CEP170: variants seen among roughly 807,000 people sequenced by gnomAD.
CEP170 encodes the protein centrosomal protein of 170 kDa.
A neutral mutation model predicts 151.9 loss-of-function variants in CEP170; 21 were observed. The ratio of observed to expected loss-of-function variants is 0.14; its 90% confidence interval spans 0.10 to 0.20. The LOEUF is 0.20. Among genes scored for constraint, CEP170 ranks in the 10% least tolerant of loss-of-function variants. The pLI is 1.00. For synonymous variants in CEP170, 356 were observed against 648.8 expected (o/e 0.55, Z 6.86); for missense variants, 964 against 1,892.9 (o/e 0.51, Z 9.11).
intron 1 of CEP170, among the ~76,000 whole-genome samples, chr1:243,231,058 T>G (rs750911686): frequency 8.8e-4 from 132 of 150,698 alleles, no homozygotes; most frequent in Non-Finnish European, 1.7e-3. Flanking sequence ...TCAGAAACTA[T>G]GGAGACTAGA....
intron 1 of CEP170, among the ~76,000 whole-genome samples, chr1:243,231,389 T>C (rs944327779): frequency 2.6e-5 from 4 of 152,058 alleles, no homozygotes; most frequent in Non-Finnish European, 5.9e-5. Context: ...AAACCACTGA[T>C]AAAGGTATCT....
chr1:243,167,168 G>C (rs184528773), intron 12 of CEP170, among the ~76,000 whole-genome samples: 4 of 152,012 alleles, frequency 2.6e-5, no homozygotes, highest in African/African-American at 9.6e-5. Context: ...TAGTAGAGAA[G>C]AACAACATAA....
rs2053633773 is a variant in CEP170 at position 243,125,593 on chromosome 1, T to G, written c.*856A>C. ...AAAAATATACTCCACCTAAACTATC[T>G]GTCTAGTTTAATCTTTCTAGTTATC... On this transcript the variant is annotated 3_prime_UTR_variant, in exon 20 of 20. Coordinates refer to ENST00000366542, the MANE Select transcript of CEP170 (RefSeq NM_014812.3). The G allele has an allele frequency of 6.5e-6, 1 of 153,448 alleles. No homozygotes were observed. Among genetic ancestry groups the G allele is most frequent in the African/African-American group, 2.4e-5 (1 of 41,320 alleles). The allele number at this position is 153,448 out of a possible 1,614,324, so 9.5% of individuals were successfully genotyped here. A position where few individuals can be genotyped will look rare whatever the true frequency, so the allele number is the denominator to read the frequency against.
intron 4 of CEP170, among the ~76,000 whole-genome samples, chr1:243,204,629 T>C (rs958971558): frequency 8.5e-5 from 13 of 152,306 alleles, no homozygotes; most frequent in African/African-American, 2.6e-4. Context: ...ATTAGTGGTT[T>C]CTCCTTAGTC....
intron 19 of CEP170, among the ~76,000 whole-genome samples, chr1:243,127,516 C>T (rs886306033): frequency 1.3e-5 from 2 of 152,194 alleles, no homozygotes; most frequent in African/African-American, 4.8e-5. Flanking sequence ...TACCAGCTAA[C>T]AAGCACTGTG....
intron 1 of CEP170, among the ~76,000 whole-genome samples, chr1:243,244,888 TA>T (rs1437767545): frequency 6.6e-6 from 1 of 151,886 alleles, no homozygotes; most frequent in Non-Finnish European, 1.5e-5. Context: ...ACAAATATGA[TA>T]GGCATGTATT....
intron 10 of CEP170, among the ~76,000 whole-genome samples, chr1:243,177,936 T>C (rs1386775880): frequency 6.6e-6 from 1 of 152,152 alleles, no homozygotes; most frequent in Non-Finnish European, 1.5e-5. Context: ...ACAGCAGTGT[T>C]ACAACAGCCA....
chr1:243,241,996 C>G (rs921312055), intron 1 of CEP170, among the ~76,000 whole-genome samples: 1 of 151,824 alleles, frequency 6.6e-6, no homozygotes, highest in Non-Finnish European at 1.5e-5. Context: ...GAGGAGACTA[C>G]AAATTGGGCC....
intron 3 of CEP170, among the ~76,000 whole-genome samples, chr1:243,212,401 A>G (rs1409542491): frequency 6.6e-6 from 1 of 152,218 alleles, no homozygotes; most frequent in Non-Finnish European, 1.5e-5. Flanking sequence ...AAGAAGAAGA[A>G]GAAAATTTAC....
At chr1:243,213,827 C>G (rs775714389) in intron 3 of CEP170, among the ~76,000 whole-genome samples, 4 of 152,122 alleles carry the variant, frequency 2.6e-5, no homozygotes, top group Non-Finnish European at 5.9e-5. Context: ...ATTCTCCCAC[C>G]TCAGCCTCCT....
In CEP170 at chr1:243,165,621, G is replaced by C. The variant is rs770527711; in HGVS notation, c.2339C>G (p.Thr780Ser). The C allele has an allele frequency of 6.2e-7, 1 of 1,613,970 alleles. No individual in the cohort carries two copies. Among genetic ancestry groups the C allele is most frequent in the South Asian group, 1.1e-5 (1 of 91,078 alleles). The change falls in exon 13 of 20, where the codon ACT (threonine) becomes AGT (serine). Residue 780 changes from threonine to serine, a missense_variant. By Grantham distance (58) the Thr-to-Ser change is moderately conservative (BLOSUM62 1). Coordinates refer to ENST00000366542, the MANE Select transcript of CEP170 (RefSeq NM_014812.3). ...TGGAGGTTGTGATTCTTGTTTAAAA[G>C]TTTCCTCCCTACATTTATCTGTCTG... ...SGQTDKCREETFKQESQPPEK... is the reference protein window; with the variant it reads ...SGQTDKCREESFKQESQPPEK...
rs2053648030 is a variant in CEP170 at position 243,125,809 on chromosome 1, CA to C, written c.*639del. 1 of 250,958 alleles carries C rather than the reference CA, an allele frequency of 4.0e-6. No homozygotes were observed. The highest frequency in any genetic ancestry group is 7.9e-6 in the Non-Finnish European group (1 of 126,754). The allele number at this position is 250,958 out of a possible 1,614,324, so 15.5% of individuals were successfully genotyped here. On this transcript the variant is annotated 3_prime_UTR_variant, in exon 20 of 20. Coordinates refer to ENST00000366542, the MANE Select transcript of CEP170 (RefSeq NM_014812.3). ...AGATATGTCCACCTACCACTCCCAG[CA>C]AATCTTAGTGCAAACATAATAGTTA... is the stretch of plus-strand genomic sequence containing the variant.
chr1:243,140,654 A>T (rs1437197749), intron 15 of CEP170: 1 of 152,394 alleles, frequency 6.6e-6, no homozygotes, highest in African/African-American at 2.4e-5. Flanking sequence ...ATGCTATAGA[A>T]GTTACACATT....
chr1:243,165,659 T>G lies in CEP170; in HGVS notation c.2301A>C (p.Lys767Asn). The G allele has an allele frequency of 6.2e-7, 1 of 1,614,080 alleles. No individual in the cohort carries two copies. The highest frequency in any genetic ancestry group is 8.5e-7 in the Non-Finnish European group (1 of 1,179,904). The part of the protein sequence containing the change: ...AQWTPTKLSS[K>N]NVSGQTDKCR... ...ATTTATCTGTCTGACCTGAAACATTTTTGGAAGACAATTTAGTAGGTGTCC... is the reference window on the plus strand; with the variant it reads ...ATTTATCTGTCTGACCTGAAACATTGTTGGAAGACAATTTAGTAGGTGTCC... Residue 767 changes from lysine (K) to asparagine (N), a missense_variant, in exon 13 of 20, where the codon AAA becomes AAC. By Grantham distance (94) the Lys-to-Asn change is moderately conservative. Coordinates refer to ENST00000366542, the MANE Select transcript of CEP170 (RefSeq NM_014812.3).
At chr1:243,209,761 G>C (rs1324879378) in intron 4 of CEP170, among the ~76,000 whole-genome samples, 1 of 151,444 alleles carries the variant, frequency 6.6e-6, no homozygotes, top group African/African-American at 2.4e-5. Flanking sequence ...CTCACTGCAA[G>C]CTCCGCCTCC....
chr1:243,243,550 G>A (rs2065069846), intron 1 of CEP170, among the ~76,000 whole-genome samples: 1 of 151,178 alleles, frequency 6.6e-6, no homozygotes, highest in Non-Finnish European at 1.5e-5. Flanking sequence ...TGGAGACAGA[G>A]TCTTGCTCTG....
At chr1:243,189,541 G>A (rs1307449216) in intron 8 of CEP170, among the ~76,000 whole-genome samples, 7 of 141,934 alleles carry the variant, frequency 4.9e-5, no homozygotes, top group Non-Finnish European at 1.1e-4. Context: ...GAGTGACAAA[G>A]CGAGACTCTG....
In CEP170 at chr1:243,185,821, A is replaced by C; in HGVS notation, c.1524T>G (p.Asn508Lys). The stretch of plus-strand genomic sequence containing the variant: ...TTGCTTCCACTTCCTCACTGTTGGG[A>C]TTCTCTAACTCAATGGTATAAGTAC... Reference protein sequence around the residue: ...DKGTYTIELENPNSEEVEARK... With the variant: ...DKGTYTIELEKPNSEEVEARK... Residue 508 changes from asparagine (N) to lysine (K), a missense_variant, in exon 10 of 20, where the codon AAT becomes AAG. Coordinates refer to ENST00000366542, the MANE Select transcript of CEP170 (RefSeq NM_014812.3). This position sits in a 1 kb window ranked among gnomAD's most constrained non-coding sequence, Gnocchi z 4.9. 6.2e-7 allele frequency: 1 copy of C among 1,600,600 alleles called. No individual in the cohort carries two copies. The highest frequency in any genetic ancestry group is 8.5e-7 in the Non-Finnish European group (1 of 1,174,924).
In CEP170 at chr1:243,228,788, A is replaced by G. The variant is rs942301185; in HGVS notation, c.-41-3467T>C. Among the ~76,000 whole-genome samples the G allele has an allele frequency of 2.6e-5, 4 of 152,380 alleles. No individual in the cohort carries two copies. In the South Asian group the frequency reaches 6.2e-4, roughly 24 times the overall value. On this transcript the variant is annotated intron_variant, in intron 1 of 19. Coordinates refer to ENST00000366542, the MANE Select transcript of CEP170 (RefSeq NM_014812.3). ...ATTCATATGCTCTAATATGTACAATATAAACATACAATAATTATACAGTTG... is the reference window on the plus strand; with the variant it reads ...ATTCATATGCTCTAATATGTACAATGTAAACATACAATAATTATACAGTTG...
Sources: gnomAD v4.1 joint callset for allele counts (sites outside exome capture counted in the v4.1 genomes callset) on GRCh38, gnomAD v4.1.1 for gene constraint, Gnocchi (gnomAD v3.1) non-coding constraint, MANE v1.5 for transcripts, NCBI Gene and HGNC (gene_info 2026-07-23, HGNC 2026-07-21) for gene names.